The following SNRNP200 variants were observed in gnomAD, a reference collection of about 807,000 sequenced individuals.
SNRNP200 encodes the protein U5 small nuclear ribonucleoprotein 200 kDa helicase.
SNRNP200 carries 66 observed loss-of-function variants against 255.2 expected under a neutral mutation model. That is an observed-to-expected ratio of 0.26 (90% CI 0.21 to 0.32). The LOEUF is 0.32. Among genes scored for constraint, SNRNP200 ranks in the 10% least tolerant of loss-of-function variants. SNRNP200 has a pLI of 1.00. For synonymous variants in SNRNP200, 939 were observed against 1,027.8 expected (o/e 0.91, Z 1.65); for missense variants, 1,585 against 2,749.8 (o/e 0.58, Z 9.47).
At position 96,277,725 on chromosome 2, in the gene SNRNP200, A is replaced by C. The variant is rs2104331220; in HGVS notation, c.5755-10T>G. 1 of 1,614,100 alleles carries C rather than the reference A, an allele frequency of 6.2e-7. No homozygotes were observed. The highest frequency in any genetic ancestry group is 1.1e-5 in the South Asian group (1 of 91,080). On this transcript the variant is annotated splice_polypyrimidine_tract_variant and intron_variant, in intron 40 of 44. Transcript: ENST00000323853. The surrounding 1 kb of genome is among the most constrained non-coding windows in gnomAD (Gnocchi z 4.4). ...GGATGAGCCGGATTGCCTGAACAGG[A>C]AAAGGAGTATAAAAGTGGGCGGAGT...
In SNRNP200 at chr2:96,281,930, G is replaced by GTAGAGGGGAGAGGAAGGC; in HGVS notation, c.4916-26_4916-9dup. 6.2e-7 allele frequency: 1 copy of GTAGAGGGGAGAGGAAGGC among 1,611,590 alleles called. No individual in the cohort carries two copies. Among genetic ancestry groups the GTAGAGGGGAGAGGAAGGC allele is most frequent in the Non-Finnish European group, 8.5e-7 (1 of 1,177,790 alleles). ...CCACCACCTGGATAGCCCCTGAGCA[G>GTAGAGGGGAGAGGAAGGC]TAGAGGGGAGAGGAAGGCTGAGGGC... On this transcript the variant is annotated splice_polypyrimidine_tract_variant and intron_variant, in intron 34 of 44. Coordinates refer to ENST00000323853, the MANE Select transcript of SNRNP200 (RefSeq NM_014014.5).
At position 96,287,366 on chromosome 2, in the gene SNRNP200, A is replaced by T; in HGVS notation, c.3484+73T>A. ...AGGATACTAATGCACAGGCCTAGGAACAGGAAGACTACATAGGCAAACTGG... is the reference window on the plus strand; with the variant it reads ...AGGATACTAATGCACAGGCCTAGGATCAGGAAGACTACATAGGCAAACTGG... On this transcript the variant is annotated intron_variant, in intron 26 of 44. Coordinates refer to ENST00000323853, the MANE Select transcript of SNRNP200 (RefSeq NM_014014.5). This position sits in a 1 kb window ranked among gnomAD's most constrained non-coding sequence, Gnocchi z 5.7. The T allele has an allele frequency of 8.1e-7, 1 of 1,231,908 alleles. No homozygotes were observed. Among genetic ancestry groups the T allele is most frequent in the South Asian group, 1.2e-5 (1 of 83,094 alleles). The allele number at this position is 1,231,908 out of a possible 1,614,324, so 76.3% of individuals were successfully genotyped here.
rs1247160867 is a variant in SNRNP200 at position 96,287,905 on chromosome 2, G to T, written c.3323C>A (p.Thr1108Lys). 1 of 1,614,234 alleles carries T rather than the reference G, an allele frequency of 6.2e-7. No individual in the cohort carries two copies. Among genetic ancestry groups the T allele is most frequent in the Non-Finnish European group, 8.5e-7 (1 of 1,180,040 alleles). ...IVLNRGWAQL[T>K]DKTLNLCKMI... Reference sequence around the variant, plus strand: ...CTTGCAGAGGTTCAGGGTCTTGTCTGTAAGCTGTGCCCAACCTCGGTTCAG... The same window carrying T: ...CTTGCAGAGGTTCAGGGTCTTGTCTTTAAGCTGTGCCCAACCTCGGTTCAG... The change falls in exon 25 of 45, where the codon ACA becomes AAA. Residue 1108 changes from threonine (T) to lysine (K), a missense_variant. Physicochemically the swap from Thr to Lys is moderately conservative, Grantham distance 78 (BLOSUM62 -1). Around this residue, in one of 9 missense-constraint regions of SNRNP200, gnomAD observed 719 missense variants for 1,091.1 expected, o/e 0.66. Coordinates refer to ENST00000323853, the MANE Select transcript of SNRNP200 (RefSeq NM_014014.5). This position sits in a 1 kb window ranked among gnomAD's most constrained non-coding sequence, Gnocchi z 5.7.
In SNRNP200 at chr2:96,277,816, G is replaced by T. The variant is rs749740415; in HGVS notation, c.5745C>A (p.Ile1915=). ...CACACCCACACTCTACCTTACTAAG[G>T]ATTTCCTCCGTATCTGACTGCAACT... ...SAELQSDTEE[I]LSKAIRLIQA... Residue 1915 remains isoleucine (I), a synonymous_variant, in exon 40 of 45, where the codon ATC becomes ATA. Transcript: ENST00000323853. The surrounding 1 kb of genome is among the most constrained non-coding windows in gnomAD (Gnocchi z 4.4). 76 of 1,614,110 alleles carry T rather than the reference G, an allele frequency of 4.7e-5. No individual in the cohort carries two copies. The highest frequency in any genetic ancestry group is 1.8e-4 in the South Asian group (16 of 91,082).
chr2:96,298,240 C>T (rs370039060), intron 9 of SNRNP200, 44 bp downstream of exon 9: 1 of 1,613,652 alleles, frequency 6.2e-7, no homozygotes, highest in African/African-American at 1.3e-5. Flanking sequence ...CTTCTAGCCA[C>T]CGTTAGCTCA....
chr2:96,291,748 C>T lies in SNRNP200; in HGVS notation c.2310+3G>A, dbSNP rs2063885570. The T allele has an allele frequency of 6.2e-7, 1 of 1,614,066 alleles. No homozygotes were observed. The highest frequency in any genetic ancestry group is 8.5e-7 in the Non-Finnish European group (1 of 1,180,020). On this transcript the variant is annotated splice_donor_region_variant and intron_variant, in intron 17 of 44. Transcript: ENST00000323853. This position sits in a 1 kb window ranked among gnomAD's most constrained non-coding sequence, Gnocchi z 4.2. The stretch of plus-strand genomic sequence containing the variant: ...TGAGAGAACCCAGCTGGCCCCTCCT[C>T]ACCTTGCACTGCTCAGCTTCTGTTC...
intron 24 of SNRNP200, 37 bp from the exon 25 acceptor site, chr2:96,288,006 G>C (rs374108068): frequency 1.3e-6 from 2 of 1,588,222 alleles, no homozygotes; most frequent in Admixed American, 3.3e-5. Context: ...GTTAAGTCTC[G>C]ACTATCCCCA....
rs554875285 is a variant in SNRNP200 at position 96,278,388 on chromosome 2, T to TAAAACCAGGCAA, written c.5489-31_5489-30insTTGCCTGGTTTT. 2.2e-4 allele frequency: 350 copies of TAAAACCAGGCAA among 1,613,886 alleles called. No homozygotes were observed. Among genetic ancestry groups the TAAAACCAGGCAA allele is most frequent in the Middle Eastern group, 1.5e-3 (9 of 6,084 alleles). On this transcript the variant is annotated intron_variant, in intron 38 of 44. Coordinates refer to ENST00000323853, the MANE Select transcript of SNRNP200 (RefSeq NM_014014.5). This position sits in a 1 kb window ranked among gnomAD's most constrained non-coding sequence, Gnocchi z 6.9. The stretch of plus-strand genomic sequence containing the variant: ...CAGAAAAAGGAAATGTGAGAGAAGC[T>TAAAACCAGGCAA]AAAACCAGGCAGAGAAGGAGCAGAA...
Position 96,278,089 on chromosome 2 carries a change from G to T in SNRNP200, c.5611-139C>A. On this transcript the variant is annotated intron_variant, in intron 39 of 44. Transcript: ENST00000323853. The surrounding 1 kb of genome is among the most constrained non-coding windows in gnomAD (Gnocchi z 6.9). ...TGTGGGTGGTAATGGGATGGAGATGGGTTTGAGGGAGGTATGGAGCGGGAG... is the reference window on the plus strand; with the variant it reads ...TGTGGGTGGTAATGGGATGGAGATGTGTTTGAGGGAGGTATGGAGCGGGAG... The T allele has an allele frequency of 6.6e-7, 1 of 1,524,716 alleles. No individual in the cohort carries two copies. Among genetic ancestry groups the T allele is most frequent in the Non-Finnish European group, 9.1e-7 (1 of 1,102,072 alleles). The allele number at this position is 1,524,716 out of a possible 1,614,324, so 94.4% of individuals were successfully genotyped here. A position where few individuals can be genotyped will look rare whatever the true frequency, so the allele number is the denominator to read the frequency against.
At chr2:96,279,037 G>T (rs766381820) in intron 36 of SNRNP200, 39 bp from the exon 37 acceptor site, 1 of 1,546,620 alleles carries the variant, frequency 6.5e-7, no homozygotes, top group African/African-American at 1.4e-5. Flanking sequence ...TAAAGAATTA[G>T]TGACAACACG....
At chr2:96,302,065 G>A (rs1262009087) in intron 3 of SNRNP200, among the ~76,000 whole-genome samples, 2 of 152,128 alleles carry the variant, frequency 1.3e-5, no homozygotes, top group South Asian at 4.1e-4. Context: ...GACTCATAAT[G>A]GTCCCCAATC....
Position 96,286,933 on chromosome 2 carries a change from C to T in SNRNP200, c.3640-56G>A. 1.2e-6 allele frequency: 2 copies of T among 1,613,670 alleles called. No individual in the cohort carries two copies. Among genetic ancestry groups the T allele is most frequent in the Non-Finnish European group, 1.7e-6 (2 of 1,179,602 alleles). ...TGAGTCAACGTAGACTGAGTGCCTC[C>T]AATCCATCTCCTCGGCCCAGCAACG... On this transcript the variant is annotated intron_variant, in intron 27 of 44. Coordinates refer to ENST00000323853, the MANE Select transcript of SNRNP200 (RefSeq NM_014014.5). The surrounding 1 kb of genome is among the most constrained non-coding windows in gnomAD (Gnocchi z 4.8).
At position 96,276,982 on chromosome 2, in the gene SNRNP200, G is replaced by A. The variant is rs377631478; in HGVS notation, c.6096C>T (p.Gly2032=). ...EVVDKDSIRS[G]GPVVVLVQLE... ...GCTGCACCAGCACCACAACTGGCCCGCCACTGCAGGGGGAGAGGAGGGGCG... is the reference window on the plus strand; with the variant it reads ...GCTGCACCAGCACCACAACTGGCCCACCACTGCAGGGGGAGAGGAGGGGCG... Residue 2032 remains glycine, a synonymous_variant, in exon 43 of 45, where the codon GGC becomes GGT. Coordinates refer to ENST00000323853, the MANE Select transcript of SNRNP200 (RefSeq NM_014014.5). 5.5e-5 allele frequency: 88 copies of A among 1,614,054 alleles called. No individual in the cohort carries two copies. The Middle Eastern group carries it at 6.6e-4, about 12-fold the overall frequency.
Position 96,298,875 on chromosome 2 carries a change from A to C in SNRNP200, c.822T>G (p.Arg274=). 4.3e-6 allele frequency: 7 copies of C among 1,614,146 alleles called. No individual in the cohort carries two copies. Among genetic ancestry groups the C allele is most frequent in the Non-Finnish European group, 5.9e-6 (7 of 1,180,032 alleles). The change falls in exon 7 of 45, where the codon CGT becomes CGG. Residue 274 remains arginine, a synonymous_variant. Transcript: ENST00000323853. ...GCGACACGATGGCATCATCATAGAA[A>C]CGACTGAGCTGCCGCTGCAGCCAAA... ...DAFWLQRQLS[R]FYDDAIVSQK...
chr2:96,302,419 C>A (rs1220018464), intron 3 of SNRNP200, among the ~76,000 whole-genome samples: 1 of 152,204 alleles, frequency 6.6e-6, no homozygotes, highest in Non-Finnish European at 1.5e-5. Context: ...CCTCTGGCCA[C>A]CTCACTCTGA....
intron 30 of SNRNP200, 52 bp from the exon 31 acceptor site, chr2:96,284,637 T>C (rs1197139395): frequency 4.6e-6 from 6 of 1,301,912 alleles, no homozygotes; most frequent in Non-Finnish European, 5.6e-6. Context: ...CCAGGCATCT[T>C]TCACTTATGT....
In SNRNP200 at chr2:96,286,428, G is replaced by C; in HGVS notation, c.3886C>G (p.Pro1296Ala). The C allele has an allele frequency of 1.9e-6, 3 of 1,614,168 alleles. No homozygotes were observed. Among genetic ancestry groups the C allele is most frequent in the Non-Finnish European group, 2.5e-6 (3 of 1,180,034 alleles). ...FRHLILPEKY[P>A]PPTELLDLQP... ...AGGTCCAAAAGTTCGGTTGGAGGGG[G>C]GTACTTCTCCGGCAAGATCAGGTGC... Residue 1296 changes from proline to alanine, a missense_variant, in exon 29 of 45, where the codon CCC becomes GCC. Around this residue, in one of 9 missense-constraint regions of SNRNP200, gnomAD observed 719 missense variants for 1,091.1 expected, o/e 0.66. Coordinates refer to ENST00000323853, the MANE Select transcript of SNRNP200 (RefSeq NM_014014.5). This position sits in a 1 kb window ranked among gnomAD's most constrained non-coding sequence, Gnocchi z 4.8.
rs142142479 is a variant in SNRNP200 at position 96,296,963 on chromosome 2, C to T, written c.1485G>A (p.Thr495=). The change falls in exon 12 of 45, where the codon ACG becomes ACA. Residue 495 remains threonine, a synonymous_variant. Coordinates refer to ENST00000323853, the MANE Select transcript of SNRNP200 (RefSeq NM_014014.5). ...GAGCACACAGCAGCAGATTCTCATC[C>T]GTCTCAAGGGCAGCACGGTAGAGCT... ...QSKLYRAALE[T]DENLLLCAPT... is the part of the protein sequence containing the mutation. The T allele has an allele frequency of 2.7e-5, 44 of 1,614,206 alleles. No homozygotes were observed. The highest frequency in any genetic ancestry group is 1.2e-4 in the African/African-American group (9 of 75,046).
intron 34 of SNRNP200, chr2:96,282,946 AG>A: frequency 1.8e-6 from 1 of 567,476 alleles, no homozygotes; most frequent in Non-Finnish European, 3.2e-6. Context: ...CCTGGACTCT[AG>A]AAAACCAGGT....
Sources: gnomAD v4.1 joint callset for allele counts (sites outside exome capture counted in the v4.1 genomes callset) on GRCh38, gnomAD v4.1.1 for gene constraint, gnomAD v4.1.1 regional missense constraint, Gnocchi (gnomAD v3.1) non-coding constraint, MANE v1.5 for transcripts, NCBI Gene and HGNC (gene_info 2026-07-23, HGNC 2026-07-21) for gene names.